PALLD: variants seen among roughly 807,000 people sequenced by gnomAD.
PALLD encodes palladin, cytoskeletal associated protein, also known as palladin.
A neutral mutation model predicts 123.5 loss-of-function variants in PALLD; 61 were observed. The ratio of observed to expected loss-of-function variants is 0.49; its 90% CI spans 0.40 to 0.61. The LOEUF is 0.61. Ranked by LOEUF, PALLD falls within the 20% of genes least tolerant of loss-of-function variation. The probability of loss-of-function intolerance (pLI) is 0.00; values close to 1 mark genes in which losing one functional copy is unlikely to be tolerated. For synonymous variants in PALLD, 465 were observed against 496.4 expected (o/e 0.94, Z 0.84); for missense variants, 1,273 against 1,377.0 (o/e 0.92, Z 1.20).
rs72984654 is a variant in PALLD at position 168,726,663 on chromosome 4, A to T, written c.1964+14740A>T. On this transcript the variant is annotated intron_variant, in intron 10 of 21. Transcript: ENST00000505667. ...CTTCCAAAGTGTTGAGATTATAGGC[A>T]TGAGCCACCACACTCAGCCCAGGGT... Among the ~76,000 whole-genome samples, 1,465 of 152,124 alleles carry T rather than the reference A, an allele frequency of 9.6e-3. 24 individuals carry two copies. The highest frequency in any genetic ancestry group is 0.033 in the African/African-American group (1,379 of 41,492).
chr4:168,808,688 G>A (rs1053328117), intron 10 of PALLD, among the ~76,000 whole-genome samples: 3 of 152,150 alleles, frequency 2.0e-5, no homozygotes, highest in South Asian at 2.1e-4. Context: ...CACAATCATG[G>A]CAGAAGGTGA....
At chr4:168,600,575 T>C (rs1772542282) in intron 2 of PALLD, among the ~76,000 whole-genome samples, 1 of 152,196 alleles carries the variant, frequency 6.6e-6, no homozygotes, top group Non-Finnish European at 1.5e-5. Flanking sequence ...TTTATTCCTC[T>C]ATTTTAATCA....
chr4:168,577,090 C>G (rs907180764), intron 2 of PALLD, among the ~76,000 whole-genome samples: 2 of 152,090 alleles, frequency 1.3e-5, no homozygotes, highest in Non-Finnish European at 2.9e-5. Context: ...AAGACTCCAG[C>G]ACAGCCATAA....
chr4:168,712,049 T>C (rs1784884086), intron 10 of PALLD, 126 bp downstream of exon 10: 2 of 738,326 alleles, frequency 2.7e-6, no homozygotes, highest in Non-Finnish European at 4.8e-6. Flanking sequence ...GGGACCTTGC[T>C]GCCAAGTGGT....
At chr4:168,745,273 G>A (rs1251177831) in intron 10 of PALLD, among the ~76,000 whole-genome samples, 5 of 152,026 alleles carry the variant, frequency 3.3e-5, no homozygotes, top group Admixed American at 6.5e-5. Context: ...ATCAAAGCTG[G>A]AGCCTAGGAC....
At chr4:168,859,923 A>C (rs989563918) in intron 10 of PALLD, among the ~76,000 whole-genome samples, 6 of 152,232 alleles carry the variant, frequency 3.9e-5, no homozygotes, top group Admixed American at 6.5e-5. Context: ...ATAATATAAA[A>C]ATTGTCATAA....
chr4:168,765,960 T>C (rs1442059543), intron 10 of PALLD, among the ~76,000 whole-genome samples: 1 of 152,246 alleles, frequency 6.6e-6, no homozygotes, highest in Non-Finnish European at 1.5e-5. Context: ...AATGTTATTA[T>C]AATCTATTCT....
chr4:168,877,880 T>C, intron 10 of PALLD: 1 of 1,433,878 alleles, frequency 7.0e-7, no homozygotes, highest in Middle Eastern at 2.0e-4. Context: ...GCCGCCCGCG[T>C]CCCCGGAGCC....
At chr4:168,607,257 C>A (rs1225867138) in intron 2 of PALLD, among the ~76,000 whole-genome samples, 1 of 152,128 alleles carries the variant, frequency 6.6e-6, no homozygotes, top group African/African-American at 2.4e-5. Flanking sequence ...GATTCCCTCC[C>A]TCATATTCTT....
chr4:168,752,178 G>A (rs1731151594), intron 10 of PALLD, among the ~76,000 whole-genome samples: 1 of 152,218 alleles, frequency 6.6e-6, no homozygotes, highest in South Asian at 2.1e-4. Context: ...TTCAAGACCA[G>A]CCTGAGCAAC....
At chr4:168,587,863 C>T (rs934585074) in intron 2 of PALLD, among the ~76,000 whole-genome samples, 2 of 152,056 alleles carry the variant, frequency 1.3e-5, no homozygotes, top group East Asian at 1.9e-4. Context: ...TACAGTGGAG[C>T]GCTCTTCAGG....
At chr4:168,801,630 T>A (rs1739346214) in intron 10 of PALLD, among the ~76,000 whole-genome samples, 1 of 152,182 alleles carries the variant, frequency 6.6e-6, no homozygotes, top group Non-Finnish European at 1.5e-5. Context: ...AAATAATTGC[T>A]TACAAGACAA....
At chr4:168,704,525 AGCCGGGCGGGC>A (rs1784033088) in intron 8 of PALLD, among the ~76,000 whole-genome samples, 1 of 152,030 alleles carries the variant, frequency 6.6e-6, no homozygotes, top group South Asian at 2.1e-4. Flanking sequence ...CAAAAAAATT[AGCCGGGCGGGC>A]GCCTGTAGTC....
chr4:168,568,737 T>C (rs1446204494), intron 2 of PALLD, among the ~76,000 whole-genome samples: 1 of 151,326 alleles, frequency 6.6e-6, no homozygotes, highest in African/African-American at 2.4e-5. Flanking sequence ...TATATGTGTG[T>C]ATGTAGGTAT....
chr4:168,763,972 A>G (rs957378604), intron 10 of PALLD, among the ~76,000 whole-genome samples: 3 of 152,226 alleles, frequency 2.0e-5, no homozygotes, highest in African/African-American at 7.2e-5. Flanking sequence ...GCCTCTGTTT[A>G]TTTATTCATA....
intron 2 of PALLD, among the ~76,000 whole-genome samples, chr4:168,629,143 A>G (rs1006091430): frequency 1.3e-5 from 2 of 151,854 alleles, no homozygotes; most frequent in Non-Finnish European, 1.5e-5. Context: ...CAGCCTCCCA[A>G]GTAGCTGGGA....
At chr4:168,618,122 C>T (rs1774405499) in intron 2 of PALLD, among the ~76,000 whole-genome samples, 1 of 152,186 alleles carries the variant, frequency 6.6e-6, no homozygotes, top group Non-Finnish European at 1.5e-5. Context: ...AGCTTCCAGT[C>T]CTACCACCTC....
chr4:168,907,468 G>A (rs569243333), intron 15 of PALLD, among the ~76,000 whole-genome samples: 5 of 152,276 alleles, frequency 3.3e-5, no homozygotes, highest in African/African-American at 1.2e-4. Context: ...AGCAGATGTG[G>A]CTGTGCCACA....
At chr4:168,759,202 A>AATAT (rs147474708) in intron 10 of PALLD, among the ~76,000 whole-genome samples, 174 of 22,120 alleles carry the variant, frequency 7.9e-3, no homozygotes, top group South Asian at 0.015. Flanking sequence ...AAAAAAAAAA[A>AATAT]ATATATATAT....
Sources: allele counts gnomAD v4.1 joint callset (sites outside exome capture counted in the v4.1 genomes callset), GRCh38; gene constraint gnomAD v4.1.1; transcripts MANE v1.5; gene names NCBI Gene and HGNC (gene_info 2026-07-23, HGNC 2026-07-21).